SRGAP2B: variants seen among roughly 807,000 people sequenced by gnomAD.
SRGAP2B encodes the protein SLIT-ROBO Rho GTPase activating protein 2B, also known as SLIT-ROBO Rho GTPase-activating protein 2B.
A neutral mutation model predicts 22.2 loss-of-function variants in SRGAP2B; 9 were observed. The ratio of observed to expected loss-of-function variants is 0.41; its 90% CI spans 0.24 to 0.71. SRGAP2B has a LOEUF of 0.71. Ranked by LOEUF, SRGAP2B falls within the 30% of genes least tolerant of loss-of-function variation. The pLI is 0.35. For synonymous variants in SRGAP2B, 36 were observed against 87.4 expected (o/e 0.41, Z 3.28); for missense variants, 114 against 235.8 (o/e 0.48, Z 3.38).
At chr1:144,957,871 G>A (rs587721537) in intron 3 of SRGAP2B, among the ~76,000 whole-genome samples, 7 of 147,362 alleles carry the variant, frequency 4.8e-5, no homozygotes, top group African/African-American at 1.8e-4. Context: ...TTTTTAAAGG[G>A]GCAGATCTCA....
intron 2 of SRGAP2B, among the ~76,000 whole-genome samples, chr1:145,015,023 C>A (rs1571013103): frequency 7.8e-6 from 1 of 128,264 alleles, no homozygotes. Flanking sequence ...AAAGTAATGA[C>A]ATTATTTTTT....
At chr1:144,907,669 G>A (rs1663091429) in intron 5 of SRGAP2B, among the ~76,000 whole-genome samples, 2 of 149,930 alleles carry the variant, frequency 1.3e-5, no homozygotes, top group South Asian at 2.1e-4. Context: ...AGTAGTTAGA[G>A]GTCAGGGATG....
chr1:144,941,838 G>C (rs1312409780), intron 4 of SRGAP2B, among the ~76,000 whole-genome samples: 12 of 149,658 alleles, frequency 8.0e-5, no homozygotes, highest in African/African-American at 2.3e-4. Flanking sequence ...GCAAGAAGCA[G>C]AATCAGAATA....
intron 2 of SRGAP2B, among the ~76,000 whole-genome samples, chr1:144,998,920 C>T (rs1670910621): frequency 6.6e-6 from 1 of 151,000 alleles, no homozygotes; most frequent in African/African-American, 2.5e-5. Flanking sequence ...AAACAATGGG[C>T]CACTGAATAC....
chr1:145,072,828 C>CCAG (rs1652239997), intron 2 of SRGAP2B, among the ~76,000 whole-genome samples: 1 of 148,140 alleles, frequency 6.8e-6, no homozygotes, highest in Non-Finnish European at 1.5e-5. Context: ...CGAAACAGCA[C>CCAG]CAGCACCACC....
At chr1:144,965,179 G>A in intron 3 of SRGAP2B, 1 of 1,045,826 alleles carries the variant, frequency 9.6e-7, no homozygotes, top group Non-Finnish European at 1.5e-6. Flanking sequence ...GGCCGAATAG[G>A]AACAGCTCCG....
chr1:144,987,791 A>T (rs1382216201), intron 3 of SRGAP2B, among the ~76,000 whole-genome samples: 2 of 150,946 alleles, frequency 1.3e-5, no homozygotes, highest in African/African-American at 4.9e-5. Flanking sequence ...CTGTGCACAC[A>T]TTTTAACACT....
intron 2 of SRGAP2B, among the ~76,000 whole-genome samples, chr1:145,036,012 A>G (rs1648672822): frequency 7.2e-6 from 1 of 139,646 alleles, no homozygotes; most frequent in African/African-American, 2.8e-5. Context: ...TTTTTACCAA[A>G]GTAATACATG....
chr1:144,982,628 G>T (rs1669390178), intron 3 of SRGAP2B, among the ~76,000 whole-genome samples: 1 of 150,940 alleles, frequency 6.6e-6, no homozygotes. Context: ...AGAAATTGAG[G>T]CTAACAGGGG....
chr1:145,061,723 G>T (rs1553631523), intron 2 of SRGAP2B, among the ~76,000 whole-genome samples: 2 of 148,804 alleles, frequency 1.3e-5, no homozygotes, highest in African/African-American at 2.5e-5. Context: ...GAGTAGCTGG[G>T]ATTACGGGCA....
chr1:144,985,617 C>T (rs1355452603), intron 3 of SRGAP2B, among the ~76,000 whole-genome samples: 1 of 150,696 alleles, frequency 6.6e-6, no homozygotes, highest in East Asian at 1.9e-4. Context: ...CATAGGAATA[C>T]ATTTATGCTC....
rs587772692 is a variant in SRGAP2B, at chr1:145,011,547, C to T, written c.68-16347G>A. Among the ~76,000 whole-genome samples, 20 of 150,450 alleles carry T rather than the reference C, an allele frequency of 1.3e-4. 2 individuals are homozygous for T. Among genetic ancestry groups the T allele is most frequent in the African/African-American group, 3.8e-4 (15 of 39,962 alleles). On this transcript the variant is annotated intron_variant, in intron 2 of 9. Coordinates refer to ENST00000612199, the Ensembl canonical transcript of SRGAP2B. ...TCTTGACACCCCATCCTGACCACAC[C>T]CCAGCACGTTCCCTACCCCAGTAAC... is the stretch of plus-strand genomic sequence containing the variant.
At chr1:144,980,148 T>A (rs10794675) in intron 3 of SRGAP2B, among the ~76,000 whole-genome samples, 1,888 of 103,144 alleles carry the variant, frequency 0.018, no homozygotes, top group East Asian at 0.055. Flanking sequence ...CTTCCTGGGT[T>A]CACCTTGCTC....
At chr1:145,007,807 T>TC (rs1671712214) in intron 2 of SRGAP2B, among the ~76,000 whole-genome samples, 1 of 139,062 alleles carries the variant, frequency 7.2e-6, no homozygotes, top group African/African-American at 2.9e-5. Flanking sequence ...TTCTTCTTTT[T>TC]TTTTTTTTTT....
chr1:145,007,635 G>A (rs1217786997), intron 2 of SRGAP2B, among the ~76,000 whole-genome samples: 2 of 150,584 alleles, frequency 1.3e-5, no homozygotes, highest in Non-Finnish European at 2.9e-5. Flanking sequence ...CTAGCTATGT[G>A]TGACCTTGGG....
rs587634703 is a variant in SRGAP2B, at chr1:144,995,295, C to T, written c.68-95G>A. ...ACCCACCTTCCACTTACTTATTCCC[C>T]GTGCCCTGGGAAATTGAAAGCCCTG... On this transcript the variant is annotated intron_variant, in intron 2 of 9. Transcript: ENST00000612199. 3.1e-5 allele frequency: 13 copies of T among 414,726 alleles called. No individual in the cohort carries two copies. In the Admixed American group the frequency reaches 3.9e-4, roughly 12 times the overall value. 25.7% of individuals were successfully genotyped at this position (414,726 alleles called of 1,614,324 possible). A position where few individuals can be genotyped will look rare whatever the true frequency, so the allele number is the denominator to read the frequency against.
intron 2 of SRGAP2B, among the ~76,000 whole-genome samples, chr1:145,012,563 A>AC (rs1405722302): frequency 9.8e-6 from 1 of 101,664 alleles, no homozygotes; most frequent in Non-Finnish European, 1.9e-5. Context: ...TGTAATGCCC[A>AC]CGGGGAATTT....
intron 3 of SRGAP2B, among the ~76,000 whole-genome samples, chr1:144,966,315 G>A (rs1668080289): frequency 6.7e-6 from 1 of 149,916 alleles, no homozygotes; most frequent in African/African-American, 2.5e-5. Context: ...CTACAAGCCA[G>A]AAGAGAGTGG....
chr1:144,991,578 T>C (rs376068114), intron 3 of SRGAP2B, among the ~76,000 whole-genome samples: 8 of 148,392 alleles, frequency 5.4e-5, no homozygotes, highest in Middle Eastern at 3.5e-3. Flanking sequence ...GTGGAGAACC[T>C]TTATGTCTAG....
Sources: gnomAD v4.1 joint callset for allele counts (sites outside exome capture counted in the v4.1 genomes callset) on GRCh38, gnomAD v4.1.1 for gene constraint, MANE v1.5 for transcripts, NCBI Gene and HGNC (gene_info 2026-07-23, HGNC 2026-07-21) for gene names.